TACC3: variants seen among roughly 807,000 people sequenced by gnomAD.
TACC3 encodes the protein transforming acidic coiled-coil-containing protein 3.
Under a neutral mutation model 86.0 loss-of-function variants are expected in TACC3, and 52 were observed. That is an observed-to-expected ratio of 0.60 (90% CI 0.48 to 0.76). The LOEUF (loss-of-function observed/expected upper bound fraction) is 0.76, where lower values mean the gene tolerates loss of function less well. TACC3 is among the 30% of genes least tolerant of loss of function. TACC3 has a pLI of 0.00. For synonymous variants in TACC3, 512 were observed against 430.0 expected, an observed-to-expected ratio of 1.19 and a Z score of -2.36; for missense variants, 1,120 against 1,070.4, an observed-to-expected ratio of 1.05 and a Z score of -0.65.
chr4:1,735,102 G>A lies in TACC3; in HGVS notation c.1592-171G>A, dbSNP rs1462988975. Among the ~76,000 whole-genome samples, 1 of 152,230 alleles carries A rather than the reference G, an allele frequency of 6.6e-6. No individual in the cohort carries two copies. The highest frequency in any genetic ancestry group is 1.5e-5 in the Non-Finnish European group (1 of 68,026). ...GCCGCTCAGCACCCTGCGGTGCCCAGGAGGCGCCTGCCGCAGACAGCAGTC... is the reference window on the plus strand; with the variant it reads ...GCCGCTCAGCACCCTGCGGTGCCCAAGAGGCGCCTGCCGCAGACAGCAGTC... On this transcript the variant is annotated intron_variant, in intron 6 of 15. Coordinates refer to ENST00000313288, the MANE Select transcript of TACC3 (RefSeq NM_006342.3). This position sits in a 1 kb window ranked among gnomAD's most constrained non-coding sequence, Gnocchi z 4.2.
intron 8 of TACC3, 112 bp from the exon 9 acceptor site, chr4:1,737,129 G>C (rs1383080594): frequency 1.2e-6 from 1 of 829,846 alleles, no homozygotes; most frequent in Non-Finnish European, 2.0e-6. Flanking sequence ...CCTGACTTGA[G>C]TGGTTTTAAA....
chr4:1,725,862 G>A (rs1201610567), intron 3 of TACC3, among the ~76,000 whole-genome samples: 2 of 152,270 alleles, frequency 1.3e-5, no homozygotes, highest in Non-Finnish European at 2.9e-5. Flanking sequence ...GGACAGCCGA[G>A]TGGCCGCCTG....
In TACC3 at chr4:1,736,917, GA is replaced by G. The variant is rs768660480; in HGVS notation, c.1749-313del. On this transcript the variant is annotated intron_variant, in intron 8 of 15. Transcript: ENST00000313288. ...AGAGTGAGACCCTGTCTCGGAAAAA[GA>G]AAAAAAAAAAGGCTCTGAGCTGTGA... 8.1e-3 allele frequency among the ~76,000 whole-genome samples: 1,161 copies of G among 142,516 alleles called. 11 individuals carry two copies. The highest frequency in any genetic ancestry group is 0.011 in the Non-Finnish European group (721 of 65,120). 93.5% of individuals were successfully genotyped at this position (142,516 alleles called of 152,430 possible). A position where few individuals can be genotyped will look rare whatever the true frequency, so the allele number is the denominator to read the frequency against.
chr4:1,737,854 G>C, intron 10 of TACC3, 152 bp downstream of exon 10: 3 of 793,960 alleles, frequency 3.8e-6, no homozygotes, highest in East Asian at 2.7e-5. Flanking sequence ...GCCGGCCCCT[G>C]GCCTGTCACT....
Position 1,735,668 on chromosome 4 carries a change from C to T in TACC3, c.1645-63C>T. 2 of 1,294,692 alleles carry T rather than the reference C, an allele frequency of 1.5e-6. No individual in the cohort carries two copies. The highest frequency in any genetic ancestry group is 1.1e-6 in the Non-Finnish European group (1 of 923,312). 80.2% of individuals were successfully genotyped at this position (1,294,692 alleles called of 1,614,324 possible). A position where few individuals can be genotyped will look rare whatever the true frequency, so the allele number is the denominator to read the frequency against. On this transcript the variant is annotated intron_variant, in intron 7 of 15. Coordinates refer to ENST00000313288, the MANE Select transcript of TACC3 (RefSeq NM_006342.3). The surrounding 1 kb of genome is among the most constrained non-coding windows in gnomAD (Gnocchi z 4.2). The stretch of plus-strand genomic sequence containing the variant: ...GAGTGTGCAGGTGACCTCCCTGGCC[C>T]TTAGCCCCCGTGTGTGTTAGGGGAT...
chr4:1,740,547 C>T (rs1182833644), intron 12 of TACC3: 1 of 379,812 alleles, frequency 2.6e-6, no homozygotes, highest in Non-Finnish European at 4.8e-6. Context: ...TCCCAGGCCT[C>T]ACCCTAGGCT....
In TACC3 at chr4:1,739,789, C is replaced by T. The variant is rs778773268; in HGVS notation, c.2018+11C>T. 1.4e-5 allele frequency: 22 copies of T among 1,581,248 alleles called. 1 individual carries two copies. The South Asian group carries it at 1.9e-4, about 14-fold the overall frequency. ...GAACCTGGAACTGGGGTAAGGAGGC[C>T]CCGTCTCCTGTCCTCCCCGTCCCCA... On this transcript the variant is annotated intron_variant, in intron 11 of 15. Transcript: ENST00000313288.
chr4:1,731,196 A>G lies in TACC3; in HGVS notation c.1486A>G (p.Thr496Ala), dbSNP rs776833740. ...SKERALNSAS[T>A]SLPTSCPGSE... The stretch of plus-strand genomic sequence containing the variant: ...GGAGAGAGCCTTGAACTCTGCCAGC[A>G]CCTCGCTTCCCACAAGCTGTCCAGG... The change falls in exon 6 of 16, where the codon ACC (threonine) becomes GCC (alanine). Residue 496 changes from threonine (T) to alanine (A), a missense_variant. Thr to Ala is a moderately conservative substitution (Grantham distance 58, BLOSUM62 0). Transcript: ENST00000313288. 3.1e-6 allele frequency: 5 copies of G among 1,613,148 alleles called. No homozygotes were observed. The African/African-American group carries it at 4.0e-5, about 13-fold the overall frequency.
intron 1 of TACC3, chr4:1,723,024 C>G (rs780069989): frequency 1.1e-5 from 2 of 185,206 alleles, no homozygotes; most frequent in South Asian, 8.9e-5. Flanking sequence ...GTGGGGAGAC[C>G]AGGGCTTCCT....
At chr4:1,731,620 G>C (rs1281751360) in intron 6 of TACC3, among the ~76,000 whole-genome samples, 1 of 152,106 alleles carries the variant, frequency 6.6e-6, no homozygotes, top group Non-Finnish European at 1.5e-5. Flanking sequence ...TCGATCATCA[G>C]AAATACTGCT....
Position 1,728,526 on chromosome 4 carries a change from A to G in TACC3, c.1124A>G (p.Gln375Arg), listed in dbSNP as rs1300452621. The G allele has an allele frequency of 2.5e-6, 4 of 1,613,830 alleles. No homozygotes were observed. Among genetic ancestry groups the G allele is most frequent in the Non-Finnish European group, 2.5e-6 (3 of 1,179,954 alleles). The change falls in exon 4 of 16, where the codon CAA (glutamine) becomes CGA (arginine). Residue 375 changes from glutamine (Q) to arginine (R), a missense_variant. Coordinates refer to ENST00000313288, the MANE Select transcript of TACC3 (RefSeq NM_006342.3). ...TTGAGGAAAGCAGCAGTGAGGCAGCAAAAGGCCCCGCAGGAGGTGGAGGAG... is the reference window on the plus strand; with the variant it reads ...TTGAGGAAAGCAGCAGTGAGGCAGCGAAAGGCCCCGCAGGAGGTGGAGGAG... ...PPLRKAAVRQ[Q>R]KAPQEVEEDD... is the part of the protein sequence containing the mutation.
At chr4:1,720,783 A>G, upstream of TACC3, 1 of 1,595,412 alleles carries the variant, frequency 6.3e-7, no homozygotes, top group East Asian at 2.3e-5. The surrounding 1 kb of genome is among the most constrained non-coding windows in gnomAD (Gnocchi z 4.4). Context: ...GTGAACACGA[A>G]GCACACGGCG....
chr4:1,738,250 G>A (rs17619338), intron 10 of TACC3: 54,234 of 257,362 alleles, frequency 0.21, 6,271 homozygotes, highest in Non-Finnish European at 0.25. Flanking sequence ...AGCTACCGTC[G>A]CCAGATGGTC....
In TACC3 at chr4:1,737,277, G is replaced by T. The variant is rs140344901; in HGVS notation, c.1785G>T (p.Pro595=). ...HGANETPSGR[P]REAKLVEFDF... ...CAAATGAGACTCCCTCAGGACGTCC[G>T]CGGGAAGCCAAGCTTGTGGAGTTCG... The change falls in exon 9 of 16, where the codon CCG becomes CCT. Residue 595 remains proline (P), a synonymous_variant. Transcript: ENST00000313288. 1.2e-6 allele frequency: 2 copies of T among 1,614,142 alleles called. No individual in the cohort carries two copies. The highest frequency in any genetic ancestry group is 1.7e-6 in the Non-Finnish European group (2 of 1,180,036).
rs760761120 is a variant in TACC3 at position 1,737,231 on chromosome 4, T to C, written c.1749-10T>C. ...GCCTAGTGACTGAGGCTGCCTCTGC[T>C]TGGTGGCAGCATGCACGGTGCAAAT... On this transcript the variant is annotated splice_polypyrimidine_tract_variant and intron_variant, in intron 8 of 15. Transcript: ENST00000313288. The C allele has an allele frequency of 9.9e-6, 16 of 1,612,922 alleles. No homozygotes were observed. The highest frequency in any genetic ancestry group is 1.3e-5 in the Non-Finnish European group (15 of 1,179,250).
intron 5 of TACC3, 86 bp from the exon 6 acceptor site, chr4:1,731,086 C>A: frequency 6.3e-7 from 1 of 1,597,694 alleles, no homozygotes; most frequent in Non-Finnish European, 8.6e-7. Flanking sequence ...TCCCCCAAGT[C>A]TACTTCAACA....
In TACC3 at chr4:1,735,620, A is replaced by G. The variant is rs1346105114; in HGVS notation, c.1645-111A>G. 4 of 846,058 alleles carry G rather than the reference A, an allele frequency of 4.7e-6. No homozygotes were observed. The highest frequency in any genetic ancestry group is 7.8e-6 in the Non-Finnish European group (4 of 511,164). The allele number at this position is 846,058 out of a possible 1,614,324, so 52.4% of individuals were successfully genotyped here. A position where few individuals can be genotyped will look rare whatever the true frequency, so the allele number is the denominator to read the frequency against. ...AGGGTTGTGGGTGACCGGGGGTGGG[A>G]GTGTGCGGGTGACCGGGGGTGGGAG... On this transcript the variant is annotated intron_variant, in intron 7 of 15. Coordinates refer to ENST00000313288, the MANE Select transcript of TACC3 (RefSeq NM_006342.3). This position sits in a 1 kb window ranked among gnomAD's most constrained non-coding sequence, Gnocchi z 4.2.
chr4:1,730,634 T>C, intron 4 of TACC3: 2 of 635,428 alleles, frequency 3.1e-6, no homozygotes, highest in Non-Finnish European at 5.9e-6. Context: ...TGCATCGTGC[T>C]GACTTTAGAG....
intron 8 of TACC3, among the ~76,000 whole-genome samples, chr4:1,736,305 C>G (rs939325733): frequency 2.7e-5 from 4 of 150,884 alleles, no homozygotes; most frequent in Non-Finnish European, 5.9e-5. Flanking sequence ...CACCTGTAGT[C>G]TCAGCTACTT....
Sources: gnomAD v4.1 joint callset for allele counts (sites outside exome capture counted in the v4.1 genomes callset) on GRCh38, gnomAD v4.1.1 for gene constraint, Gnocchi (gnomAD v3.1) non-coding constraint, MANE v1.5 for transcripts, NCBI Gene and HGNC (gene_info 2026-07-23, HGNC 2026-07-21) for gene names.